Variants in UNC45A observed in about 807,000 individuals in gnomAD.
UNC45A encodes unc-45 myosin chaperone A.
Under a neutral mutation model 103.2 loss-of-function variants are expected in UNC45A, and 78 were observed. The ratio of observed to expected loss-of-function variants is 0.76; its 90% CI spans 0.63 to 0.91. The LOEUF (loss-of-function observed/expected upper bound fraction) is 0.91, where lower values mean the gene tolerates loss of function less well. UNC45A is among the 40% of genes least tolerant of loss of function. The probability of loss-of-function intolerance (pLI) is 0.00; values close to 1 mark genes in which losing one functional copy is unlikely to be tolerated. For missense variants in UNC45A, 1,193 were observed against 1,224.8 expected, an observed-to-expected ratio of 0.97 and a Z score of 0.39; for synonymous variants, 495 against 504.6, an observed-to-expected ratio of 0.98 and a Z score of 0.25.
chr15:90,950,724 C>A (rs2036860286), intron 17 of UNC45A, 109 bp downstream of exon 17: 3 of 1,116,888 alleles, frequency 2.7e-6, no homozygotes, highest in South Asian at 2.9e-5. Flanking sequence ...CTTCTGTGAG[C>A]CTCACAGTGA....
chr15:90,939,864 G>A, intron 5 of UNC45A, 41 bp downstream of exon 5: 11 of 1,532,584 alleles, frequency 7.2e-6, no homozygotes, highest in South Asian at 1.2e-5. Context: ...GCTCCCACTA[G>A]AGCCACCCAT....
chr15:90,940,522 T>C, intron 6 of UNC45A, 49 bp downstream of exon 6: 1 of 1,567,954 alleles, frequency 6.4e-7, no homozygotes, highest in Non-Finnish European at 8.7e-7. Flanking sequence ...TTTGTCTGTC[T>C]GTCCATCCAT....
At position 90,948,776 on chromosome 15, in the gene UNC45A, G is replaced by A. The variant is rs761222865; in HGVS notation, c.1860G>A (p.Val620=). The change falls in exon 13 of 20, where the codon GTG becomes GTA. Residue 620 remains valine, a synonymous_variant. Transcript: ENST00000418476. Reference sequence around the variant, plus strand: ...TGGCCAAGTATGCCAAGCAGCATGTGCCCGAGCAGCACCCCAAGGTGAGGG... The same window carrying A: ...TGGCCAAGTATGCCAAGCAGCATGTACCCGAGCAGCACCCCAAGGTGAGGG... ...VELAKYAKQH[V]PEQHPKDKPS... is the part of the protein sequence containing the mutation. 1.9e-5 allele frequency: 30 copies of A among 1,608,500 alleles called. No homozygotes were observed. Among genetic ancestry groups the A allele is most frequent in the Non-Finnish European group, 8.5e-7 (1 of 1,177,858 alleles).
At position 90,947,695 on chromosome 15, in the gene UNC45A, G is replaced by C. The variant is rs150505376; in HGVS notation, c.1501-101G>C. ...GATTTGTCTGTGTAGCTTCCAGGGG[G>C]CCATGGCAGAGTGCCAGGGAGGGAG... is the stretch of plus-strand genomic sequence containing the variant. On this transcript the variant is annotated intron_variant, in intron 10 of 19. Coordinates refer to ENST00000418476, the MANE Select transcript of UNC45A (RefSeq NM_018671.5). 1.7e-4 allele frequency: 127 copies of C among 767,146 alleles called. No individual in the cohort carries two copies. The African/African-American group carries it at 1.9e-3, about 11-fold the overall frequency. The allele number at this position is 767,146 out of a possible 1,614,324, so 47.5% of individuals were successfully genotyped here. A position where few individuals can be genotyped will look rare whatever the true frequency, so the allele number is the denominator to read the frequency against.
At chr15:90,933,793 C>T (rs2035888105), upstream of UNC45A, 3 of 366,232 alleles carry the variant, frequency 8.2e-6, no homozygotes, top group Non-Finnish European at 1.5e-5. Flanking sequence ...ATTCTGTCCT[C>T]TAGTCCTTTG....
Position 90,942,454 on chromosome 15 carries a change from C to A in UNC45A, c.705C>A (p.Ser235Arg), listed in dbSNP as rs757669629. 1 of 1,612,936 alleles carries A rather than the reference C, an allele frequency of 6.2e-7. No individual in the cohort carries two copies. The highest frequency in any genetic ancestry group is 8.5e-7 in the Non-Finnish European group (1 of 1,179,344). The change falls in exon 7 of 20, where the codon AGC becomes AGA. Residue 235 changes from serine to arginine, a missense_variant. Transcript: ENST00000418476. ...CACCCCAGACAGTGGCAACCCTGAG[C>A]ATACTGGGAACTCGGCGAGTAGTCT... ...EHQSRTVATL[S>R]ILGTRRVVSI...
At chr15:90,952,711 C>T in intron 17 of UNC45A, 2 of 551,814 alleles carry the variant, frequency 3.6e-6, no homozygotes, top group Admixed American at 6.1e-5. Context: ...AGGCGTGAGC[C>T]TCCACGCCCG....
intron 8 of UNC45A, among the ~76,000 whole-genome samples, chr15:90,943,986 G>GTTTTTTTTTTT (rs953436599): frequency 7.9e-4 from 62 of 78,314 alleles, no homozygotes; most frequent in Non-Finnish European, 8.6e-4. Flanking sequence ...ATTGTGCCCT[G>GTTTTTTTTTTT]TTTTTTTTTT....
At chr15:90,947,150 G>A in intron 10 of UNC45A, 2 of 547,210 alleles carry the variant, frequency 3.7e-6, no homozygotes, top group Non-Finnish European at 6.6e-6. Context: ...GCATGTCACT[G>A]CACTCCTGCC....
At position 90,940,461 on chromosome 15, in the gene UNC45A, G is replaced by A. The variant is rs942668629; in HGVS notation, c.675G>A (p.Glu225=). The A allele has an allele frequency of 5.6e-6, 9 of 1,613,450 alleles. No individual in the cohort carries two copies. Among genetic ancestry groups the A allele is most frequent in the Non-Finnish European group, 7.6e-6 (9 of 1,179,646 alleles). The part of the protein sequence containing the change: ...ALRTLVGICS[E]HQSRTVATLS... ...GTACGCTGGTTGGCATTTGCTCTGA[G>A]CATCAGTCACGGGTAGGTGGAGTGG... is the stretch of plus-strand genomic sequence containing the variant. Residue 225 remains glutamate, a synonymous_variant, in exon 6 of 20, where the codon GAG becomes GAA. Coordinates refer to ENST00000418476, the MANE Select transcript of UNC45A (RefSeq NM_018671.5).
upstream of UNC45A, chr15:90,934,052 GAGA>G: frequency 2.5e-6 from 1 of 399,076 alleles, no homozygotes; most frequent in East Asian, 3.6e-5. Context: ...TGGGCATCCA[GAGA>G]AGGTCAGGCC....
chr15:90,953,092 A>G, intron 18 of UNC45A, 46 bp downstream of exon 18: 1 of 1,613,276 alleles, frequency 6.2e-7, no homozygotes, highest in South Asian at 1.1e-5. Context: ...ATGCAGAGGT[A>G]CCTGTGCCCT....
intron 5 of UNC45A, 61 bp from the exon 6 acceptor site, chr15:90,940,245 C>T: frequency 1.9e-6 from 3 of 1,541,466 alleles, no homozygotes; most frequent in Non-Finnish European, 2.6e-6. Flanking sequence ...CCCCTGCTCA[C>T]CAGTGCTGCA....
Position 90,936,424 on chromosome 15 carries a change from G to T in UNC45A, c.390G>T (p.Glu130Asp). Reference sequence around the variant, plus strand: ...AGCCCAAGAACAAAGTTTTCCAGGAGGCCTTGCGGAACATCGGGGGCCAGA... The same window carrying T: ...AGCCCAAGAACAAAGTTTTCCAGGATGCCTTGCGGAACATCGGGGGCCAGA... ...SLEPKNKVFQ[E>D]ALRNIGGQIQ... The change falls in exon 4 of 20, where the codon GAG (glutamate) becomes GAT (aspartate). Residue 130 changes from glutamate to aspartate, a missense_variant. Physicochemically the swap from Glu to Asp is conservative, Grantham distance 45 (BLOSUM62 2). Transcript: ENST00000418476. 2 of 1,614,200 alleles carry T rather than the reference G, an allele frequency of 1.2e-6. No individual in the cohort carries two copies. Among genetic ancestry groups the T allele is most frequent in the Non-Finnish European group, 1.7e-6 (2 of 1,180,038 alleles).
intron 8 of UNC45A, 56 bp downstream of exon 8, chr15:90,943,138 A>T (rs1313145978): frequency 2.6e-6 from 4 of 1,536,970 alleles, no homozygotes; most frequent in Non-Finnish European, 3.5e-6. Flanking sequence ...GTTTATTCTT[A>T]GGAGTAATAA....
At chr15:90,950,455 G>T in intron 16 of UNC45A, 45 bp from the exon 17 acceptor site, 5 of 1,598,232 alleles carry the variant, frequency 3.1e-6, no homozygotes, top group Non-Finnish European at 3.4e-6. Flanking sequence ...TGGGGCTTGT[G>T]GGGGCTGCGG....
At chr15:90,931,946 T>G, upstream of UNC45A, 1 of 1,613,822 alleles carries the variant, frequency 6.2e-7, no homozygotes, top group Non-Finnish European at 8.5e-7. Context: ...CAGGGCCGCC[T>G]GGGGACAAGT....
intron 12 of UNC45A, 40 bp from the exon 13 acceptor site, chr15:90,948,614 G>C (rs1476407011): frequency 6.2e-7 from 1 of 1,607,902 alleles, no homozygotes; most frequent in Non-Finnish European, 8.5e-7. Flanking sequence ...GTACTGCTCT[G>C]CCCCGGGATG....
rs2037067699 is a variant in UNC45A at position 90,953,744 on chromosome 15, T to C, written c.*28T>C. Reference sequence around the variant, plus strand: ...GGGTTGTCCCTGGGCCCAAGGCTCATGCACACGCTACCTATTGTGGCACGG... The same window carrying C: ...GGGTTGTCCCTGGGCCCAAGGCTCACGCACACGCTACCTATTGTGGCACGG... On this transcript the variant is annotated 3_prime_UTR_variant, in exon 20 of 20. Transcript: ENST00000418476. 9 of 1,606,662 alleles carry C rather than the reference T, an allele frequency of 5.6e-6. No individual in the cohort carries two copies. The highest frequency in any genetic ancestry group is 1.1e-5 in the South Asian group (1 of 90,622).
Sources: gnomAD v4.1 joint callset for allele counts (sites outside exome capture counted in the v4.1 genomes callset) on GRCh38, gnomAD v4.1.1 for gene constraint, MANE v1.5 for transcripts, NCBI Gene and HGNC (gene_info 2026-07-23, HGNC 2026-07-21) for gene names.